MUC4: variants seen among roughly 807,000 people sequenced by gnomAD.
The protein encoded by MUC4 is mucin 4, cell surface associated, also known as mucin-4.
A neutral mutation model predicts 257.9 loss-of-function variants in MUC4; 202 were observed. The observed-to-expected ratio is 0.78, with a 90% CI of 0.70 to 0.88. The LOEUF is 0.88. MUC4 is among the 40% of genes least tolerant of loss of function. The pLI, the probability that MUC4 is intolerant of heterozygous loss-of-function variation, is 0.00. For synonymous variants in MUC4, 2,351 were observed against 2,757.1 expected (o/e 0.85, Z 4.62); for missense variants, 5,976 against 6,513.7 (o/e 0.92, Z 2.84).
intron 1 of MUC4, among the ~76,000 whole-genome samples, chr3:195,805,841 C>T (rs1424350659): frequency 2.6e-5 from 4 of 152,016 alleles, no homozygotes; most frequent in African/African-American, 9.7e-5. Flanking sequence ...CTGGGCCGGG[C>T]GCAGTGGCTC....
At chr3:195,768,964 GCCGACTCTACACC>G in intron 7 of MUC4, 45 bp downstream of exon 7, 1 of 1,570,768 alleles carries the variant, frequency 6.4e-7, no homozygotes, top group Non-Finnish European at 8.7e-7. Flanking sequence ...TGCAGCGAAA[GCCGACTCTACACC>G]CCTCCCTGCC....
At position 195,778,742 on chromosome 3, in the gene MUC4, G is replaced by A. The variant is rs373246795; in HGVS notation, c.12790+48C>T. The A allele has an allele frequency of 3.5e-4, 546 of 1,539,578 alleles. 1 individual carries two copies. Among genetic ancestry groups the A allele is most frequent in the African/African-American group, 4.9e-4 (36 of 73,704 alleles). On this transcript the variant is annotated intron_variant, in intron 2 of 24. Coordinates refer to ENST00000463781, the MANE Select transcript of MUC4 (RefSeq NM_018406.7). The stretch of plus-strand genomic sequence containing the variant: ...TCAGGTACTCCTTAGGCTGAATTCC[G>A]CCAAGGGGCCCACTGGGAGACATAA...
chr3:195,793,125 A>T (rs1439744107), intron 1 of MUC4, among the ~76,000 whole-genome samples: 1 of 184 alleles, frequency 5.4e-3, no homozygotes, highest in Non-Finnish European at 0.013. Flanking sequence ...TGAAACTTAA[A>T]GTAAAAATGA....
In MUC4 at chr3:195,780,187, G is replaced by T. The variant is rs769109543; in HGVS notation, c.11393C>A (p.Thr3798Asn). Residue 3798 changes from threonine (T) to asparagine (N), a missense_variant, in exon 2 of 25, where the codon ACT (threonine) becomes AAT (asparagine). Coordinates refer to ENST00000463781, the MANE Select transcript of MUC4 (RefSeq NM_018406.7). ...GGCCTGACCTGTGGATGCTGAGGAA[G>T]TGTCGGTGACAGGAAGAGGGGTGGT... Reference protein sequence around the residue: ...GDTTPLPVTDTSSASTGQATP... With the variant: ...GDTTPLPVTDNSSASTGQATP... The T allele has an allele frequency of 6.7e-7, 1 of 1,496,712 alleles. No homozygotes were observed. Among genetic ancestry groups the T allele is most frequent in the African/African-American group, 1.4e-5 (1 of 71,250 alleles). The allele number at this position is 1,496,712 out of a possible 1,614,324, so 92.7% of individuals were successfully genotyped here. A position where few individuals can be genotyped will look rare whatever the true frequency, so the allele number is the denominator to read the frequency against.
At chr3:195,802,953 C>T (rs1249289871) in intron 1 of MUC4, among the ~76,000 whole-genome samples, 1 of 152,052 alleles carries the variant, frequency 6.6e-6, no homozygotes, top group African/African-American at 2.4e-5. Context: ...TCCCTTTTCT[C>T]ACGATCTGTA....
chr3:195,785,025 TGCTG>T lies in MUC4; in HGVS notation c.6551_6554del (p.Ser2184TyrfsTer819), dbSNP rs746175259. On this transcript the variant is annotated frameshift_variant, in exon 2 of 25. Transcript: ENST00000463781. LOFTEE classifies it high-confidence loss of function. The stretch of plus-strand genomic sequence containing the variant: ...GAAGAGGGGTGGCGTGACCTGTGGA[TGCTG>T]AGGAAGTGTCGGTGACAGGAAGAGA... 7 of 1,548,652 alleles carry T rather than the reference TGCTG, an allele frequency of 4.5e-6. No individual in the cohort carries two copies. The African/African-American group carries it at 9.7e-5, about 21-fold the overall frequency.
chr3:195,761,752 C>T (rs1321147566), intron 14 of MUC4, among the ~76,000 whole-genome samples, 167 bp from the exon 15 acceptor site: 5 of 152,170 alleles, frequency 3.3e-5, no homozygotes, highest in South Asian at 2.1e-4. Context: ...ACACCCTGCC[C>T]GTCTGCCTTC....
chr3:195,751,509 C>G, intron 21 of MUC4: 1 of 592,514 alleles, frequency 1.7e-6, no homozygotes, highest in Non-Finnish European at 3.0e-6. Flanking sequence ...GTCCCCCCCT[C>G]AGCCTCATAT....
Position 195,771,775 on chromosome 3 carries a change from G to C in MUC4, c.13119C>G (p.Tyr4373Ter). ...GTGGGTTGGGGTAGGAGAAAATCTGGTAGTCTGACTCTGGGAAGATGATCT... is the reference window on the plus strand; with the variant it reads ...GTGGGTTGGGGTAGGAGAAAATCTGCTAGTCTGACTCTGGGAAGATGATCT... ...NGQIIFPESD[Y>*]QIFSYPNPLP... The change falls in exon 5 of 25, where the codon TAC becomes TAG. Residue 4373 changes from tyrosine to a stop codon, truncating the protein, a stop_gained. Transcript: ENST00000463781. LOFTEE classifies it high-confidence loss of function. The C allele has an allele frequency of 6.2e-7, 1 of 1,613,956 alleles. No homozygotes were observed. Among genetic ancestry groups the C allele is most frequent in the Non-Finnish European group, 8.5e-7 (1 of 1,179,866 alleles).
chr3:195,748,913 C>CT lies in MUC4; in HGVS notation c.16022_16023insA (p.Pro5342AlafsTer19). 1 of 1,581,404 alleles carries CT rather than the reference C, an allele frequency of 6.3e-7. No homozygotes were observed. The highest frequency in any genetic ancestry group is 1.2e-5 in the South Asian group (1 of 86,438). On this transcript the variant is annotated frameshift_variant, in exon 24 of 25. Transcript: ENST00000463781. LOFTEE classifies it low-confidence loss of function (END_TRUNC). ...ACAGCCCTATGCACCTGCAGCGGGGCCCACTGGGCAGGTGCTGGCACTGGC... is the reference window on the plus strand; with the variant it reads ...ACAGCCCTATGCACCTGCAGCGGGGCTCCACTGGGCAGGTGCTGGCACTGGC...
At position 195,783,920 on chromosome 3, in the gene MUC4, A is replaced by T. The variant is rs1303776361; in HGVS notation, c.7660T>A (p.Ser2554Thr). The change falls in exon 2 of 25, where the codon TCC (serine) becomes ACC (threonine). Residue 2554 changes from serine (S) to threonine (T), a missense_variant. By Grantham distance (58) the Ser-to-Thr change is moderately conservative. Around this residue, in one of 44 missense-constraint regions of MUC4, gnomAD observed 135 missense variants for 114.7 expected, o/e 1.18. Coordinates refer to ENST00000463781, the MANE Select transcript of MUC4 (RefSeq NM_018406.7). ...GGAAGAGAGGTGGCGTGACCTGTGG[A>T]TGCTGAGGAAGGGCTGGTGACATGA... is the stretch of plus-strand genomic sequence containing the variant. Reference protein sequence around the residue: ...SLHVTSPSSASTGHATSLPVT... With the variant: ...SLHVTSPSSATTGHATSLPVT... The T allele has an allele frequency of 6.6e-7, 1 of 1,521,314 alleles. No individual in the cohort carries two copies. Among genetic ancestry groups the T allele is most frequent in the Non-Finnish European group, 8.8e-7 (1 of 1,132,042 alleles). 94.2% of individuals were successfully genotyped at this position (1,521,314 alleles called of 1,614,324 possible).
At chr3:195,768,155 C>T (rs761828095) in intron 7 of MUC4, among the ~76,000 whole-genome samples, 5 of 152,140 alleles carry the variant, frequency 3.3e-5, no homozygotes, top group Non-Finnish European at 7.3e-5. Context: ...GTACCTGGAC[C>T]GTGTGAAATT....
In MUC4 at chr3:195,780,276, T is replaced by A; in HGVS notation, c.11304A>T (p.Ser3768=). 1.3e-6 allele frequency: 2 copies of A among 1,529,218 alleles called. No homozygotes were observed. The highest frequency in any genetic ancestry group is 4.0e-5 in the Admixed American group (2 of 50,148). The allele number at this position is 1,529,218 out of a possible 1,614,324, so 94.7% of individuals were successfully genotyped here. A position where few individuals can be genotyped will look rare whatever the true frequency, so the allele number is the denominator to read the frequency against. Residue 3768 remains serine, a synonymous_variant, in exon 2 of 25, where the codon TCA becomes TCT. Coordinates refer to ENST00000463781, the MANE Select transcript of MUC4 (RefSeq NM_018406.7). ...GAGGCGTGGCGTGACCTGTGGACAC[T>A]GAGGAAGCGTCGGTGACAAGAAGAG... ...ATPLLVTDAS[S]VSTGHATPLP...
chr3:195,772,515 G>A lies in MUC4; in HGVS notation c.13078-699C>T, dbSNP rs189283068. Among the ~76,000 whole-genome samples the A allele has an allele frequency of 9.7e-4, 119 of 122,150 alleles. 1 individual carries two copies. The highest frequency in any genetic ancestry group is 4.4e-3 in the African/African-American group (114 of 25,876). The allele number at this position is 122,150 out of a possible 152,430, so 80.1% of individuals were successfully genotyped here. ...CACCCTCCCTTCATCGCTCAGGGGT[G>A]TAGACACCCTCCCTTCATCGCTCAG... is the stretch of plus-strand genomic sequence containing the variant. On this transcript the variant is annotated intron_variant, in intron 4 of 24. Transcript: ENST00000463781.
At chr3:195,767,521 ACCACCATCG>A (rs199934456) in intron 7 of MUC4, among the ~76,000 whole-genome samples, 1 of 135,186 alleles carries the variant, frequency 7.4e-6, no homozygotes, top group Non-Finnish European at 1.6e-5. Context: ...CACCATCACC[ACCACCATCG>A]CCACCACCAT....
chr3:195,811,247 C>T (rs1032590537), intron 1 of MUC4, among the ~76,000 whole-genome samples: 1 of 151,892 alleles, frequency 6.6e-6, no homozygotes, highest in Non-Finnish European at 1.5e-5. Flanking sequence ...GATCTTGGCT[C>T]ACTGCAACCT....
At chr3:195,804,037 G>A (rs530283949) in intron 1 of MUC4, among the ~76,000 whole-genome samples, 1 of 152,344 alleles carries the variant, frequency 6.6e-6, no homozygotes. Flanking sequence ...CAAGATCACT[G>A]TGAGAAGACA....
chr3:195,790,331 T>G lies in MUC4; in HGVS notation c.1249A>C (p.Thr417Pro). The G allele has an allele frequency of 1.9e-6, 3 of 1,613,946 alleles. No homozygotes were observed. The highest frequency in any genetic ancestry group is 2.5e-6 in the Non-Finnish European group (3 of 1,179,814). Reference sequence around the variant, plus strand: ...ACTTTGGAAGTGATTGCAGAAATGGTTCCACTTACAGATAGTGATGTCTCC... The same window carrying G: ...ACTTTGGAAGTGATTGCAGAAATGGGTCCACTTACAGATAGTGATGTCTCC... ...TEETSLSVSG[T>P]ISAITSKVST... Residue 417 changes from threonine (T) to proline (P), a missense_variant, in exon 2 of 25, where the codon ACC becomes CCC. Physicochemically the swap from Thr to Pro is conservative, Grantham distance 38. Around this residue, in one of 44 missense-constraint regions of MUC4, gnomAD observed 1,583 missense variants for 1,257.4 expected, o/e 1.26. Transcript: ENST00000463781.
intron 7 of MUC4, among the ~76,000 whole-genome samples, chr3:195,767,582 C>T (rs549921294): frequency 2.4e-4 from 28 of 115,210 alleles, no homozygotes; most frequent in African/African-American, 4.6e-4. Flanking sequence ...ATCACCACCA[C>T]CATCACCACC....
Sources: allele counts gnomAD v4.1 joint callset (sites outside exome capture counted in the v4.1 genomes callset), GRCh38; gene constraint gnomAD v4.1.1; regional missense constraint gnomAD v4.1.1; transcripts MANE v1.5; gene names NCBI Gene and HGNC (gene_info 2026-07-23, HGNC 2026-07-21).